XRCC4: variants seen among roughly 807,000 people sequenced by gnomAD.
XRCC4 encodes DNA repair protein XRCC4.
In XRCC4, 28 loss-of-function variants were observed where a neutral mutation model predicts 39.1. The ratio of observed to expected loss-of-function variants is 0.72; its 90% CI spans 0.53 to 0.98. XRCC4 has a LOEUF of 0.98. Among genes scored for constraint, XRCC4 ranks in the 50% least tolerant of loss-of-function variants. The pLI, the probability that XRCC4 is intolerant of heterozygous loss-of-function variation, is 0.00. For synonymous variants in XRCC4, 123 were observed against 126.4 expected (o/e 0.97, Z 0.18); for missense variants, 350 against 376.4 (o/e 0.93, Z 0.58).
intron 3 of XRCC4, among the ~76,000 whole-genome samples, chr5:83,131,129 A>T (rs1404145925): frequency 6.6e-6 from 1 of 152,200 alleles, no homozygotes; most frequent in Non-Finnish European, 1.5e-5. Flanking sequence ...TTCCCTCTAC[A>T]CATTACTTTA....
intron 3 of XRCC4, among the ~76,000 whole-genome samples, chr5:83,154,874 G>A (rs1748882819): frequency 6.6e-6 from 1 of 152,158 alleles, no homozygotes; most frequent in South Asian, 2.1e-4. Context: ...TATCTGGCCT[G>A]CGCCTTCATC....
chr5:83,165,150 A>C (rs1302222662), intron 3 of XRCC4, among the ~76,000 whole-genome samples: 1 of 152,090 alleles, frequency 6.6e-6, no homozygotes, highest in African/African-American at 2.4e-5. Flanking sequence ...AAGAAATGTG[A>C]ACCTTTTCTG....
At chr5:83,272,594 A>T (rs1754182255) in intron 7 of XRCC4, among the ~76,000 whole-genome samples, 1 of 151,616 alleles carries the variant, frequency 6.6e-6, no homozygotes, top group African/African-American at 2.4e-5. Context: ...CCACCCCACG[A>T]CAGGCCACAG....
At chr5:83,103,271 T>C (rs997777575) in intron 1 of XRCC4, among the ~76,000 whole-genome samples, 11 of 152,164 alleles carry the variant, frequency 7.2e-5, no homozygotes, top group Admixed American at 7.2e-4. Flanking sequence ...AATGAAGTTC[T>C]TGTGCAGTTG....
In XRCC4 at chr5:83,077,624, C is replaced by T. The variant is rs185007228; in HGVS notation, c.-11+9C>T. ...AGTAGAGTCACGGAGAGGTAGGATC[C>T]GGAAGTGGGGCTGCCTCTTTAAATA... On this transcript the variant is annotated intron_variant, in intron 1 of 7. Transcript: ENST00000396027. 33 of 402,074 alleles carry T rather than the reference C, an allele frequency of 8.2e-5. No homozygotes were observed. In the South Asian group the frequency reaches 8.9e-4, roughly 11 times the overall value. The allele number at this position is 402,074 out of a possible 1,614,324, so 24.9% of individuals were successfully genotyped here. A position where few individuals can be genotyped will look rare whatever the true frequency, so the allele number is the denominator to read the frequency against.
chr5:83,292,572 G>A (rs1754955050), intron 7 of XRCC4, among the ~76,000 whole-genome samples: 1 of 151,820 alleles, frequency 6.6e-6, no homozygotes, highest in East Asian at 1.9e-4. Context: ...ATTTTGAGTA[G>A]TACTATATTC....
In XRCC4 at chr5:83,131,793, C is replaced by T. The variant is rs147229499; in HGVS notation, c.315+20590C>T. 1.6e-3 allele frequency among the ~76,000 whole-genome samples: 242 copies of T among 151,966 alleles called. 4 individuals are homozygous for T. The East Asian group carries it at 0.019, about 12-fold the overall frequency. ...GTGTGTCTCTGCACATGAGATGGGT[C>T]TCCTGAATACAGCACACTGATGGGT... On this transcript the variant is annotated intron_variant, in intron 3 of 7. Transcript: ENST00000396027.
intron 4 of XRCC4, among the ~76,000 whole-genome samples, chr5:83,200,294 G>GCTCC (rs1346217886): frequency 6.6e-6 from 1 of 152,106 alleles, no homozygotes; most frequent in African/African-American, 2.4e-5. Flanking sequence ...TCTCCAGTCA[G>GCTCC]CTCCCGCTCC....
chr5:83,120,002 A>C (rs1267958952), intron 3 of XRCC4, among the ~76,000 whole-genome samples: 1 of 150,902 alleles, frequency 6.6e-6, no homozygotes, highest in Non-Finnish European at 1.5e-5. Flanking sequence ...GTCTCACAAA[A>C]AAAAAAAAAA....
At chr5:83,362,544 C>A in the XRCC4 span, among the ~76,000 whole-genome samples, 2 of 152,178 alleles carry the variant, frequency 1.3e-5, no homozygotes, top group South Asian at 2.1e-4. Context: ...TGTTGCAAGA[C>A]TTGTGGCATT....
intron 7 of XRCC4, among the ~76,000 whole-genome samples, chr5:83,305,419 T>C (rs1446783216): frequency 1.3e-5 from 2 of 152,122 alleles, no homozygotes; most frequent in East Asian, 3.8e-4. Context: ...GACATATTTC[T>C]TACCTGAAAA....
downstream of XRCC4, among the ~76,000 whole-genome samples, chr5:83,357,664 G>T (rs1757204654): frequency 1.3e-5 from 2 of 152,318 alleles, no homozygotes; most frequent in Admixed American, 1.3e-4. Context: ...GCGACGTTAT[G>T]TCAAGAAGAC....
intron 3 of XRCC4, among the ~76,000 whole-genome samples, chr5:83,178,212 A>G (rs959725576): frequency 6.6e-6 from 1 of 152,078 alleles, no homozygotes; most frequent in East Asian, 1.9e-4. Flanking sequence ...TTAGTTTTCG[A>G]TATGGTAAAT....
intron 7 of XRCC4, among the ~76,000 whole-genome samples, chr5:83,285,204 A>G (rs900342488): frequency 6.6e-6 from 1 of 152,212 alleles, no homozygotes; most frequent in African/African-American, 2.4e-5. Flanking sequence ...TAAACAAAAA[A>G]TACCAAATAT....
intron 3 of XRCC4, among the ~76,000 whole-genome samples, chr5:83,138,084 T>A (rs1001416942): frequency 6.6e-6 from 1 of 152,188 alleles, no homozygotes; most frequent in African/African-American, 2.4e-5. Context: ...TCACAGGGTT[T>A]TATGCTTGTG....
intron 7 of XRCC4, among the ~76,000 whole-genome samples, chr5:83,334,843 T>C (rs190887371): frequency 6.6e-6 from 1 of 152,140 alleles, no homozygotes; most frequent in Admixed American, 6.6e-5. Context: ...CTGGGATCTG[T>C]ATAGGATTTA....
chr5:83,293,353 C>A (rs1004837991), intron 7 of XRCC4, among the ~76,000 whole-genome samples: 1 of 151,972 alleles, frequency 6.6e-6, no homozygotes, highest in Non-Finnish European at 1.5e-5. Context: ...TCAAGTTGGA[C>A]GTATAGAAGT....
At chr5:83,285,884 A>ATG (rs1412194259) in intron 7 of XRCC4, among the ~76,000 whole-genome samples, 18 of 152,122 alleles carry the variant, frequency 1.2e-4, no homozygotes, top group Non-Finnish European at 1.6e-4. Context: ...CCCTCCTGGA[A>ATG]TGTAGCAACT....
intron 3 of XRCC4, among the ~76,000 whole-genome samples, chr5:83,139,715 A>G (rs6882220): frequency 0.48 from 73,609 of 152,014 alleles, 18,790 homozygotes; most frequent in African/African-American, 0.63. Context: ...CTACAAACCC[A>G]TACAGCATGT....
Sources: allele counts gnomAD v4.1 joint callset (sites outside exome capture counted in the v4.1 genomes callset), GRCh38; gene constraint gnomAD v4.1.1; transcripts MANE v1.5; gene names NCBI Gene and HGNC (gene_info 2026-07-23, HGNC 2026-07-21).